PRDM2: variants seen among roughly 807,000 people sequenced by gnomAD.
The protein encoded by PRDM2 is PR/SET domain 2.
A neutral mutation model predicts 130.0 loss-of-function variants in PRDM2; 30 were observed. The observed-to-expected ratio is 0.23, with a 90% confidence interval of 0.17 to 0.31. The LOEUF (loss-of-function observed/expected upper bound fraction) is 0.31. PRDM2 is among the 10% of genes least tolerant of loss of function. The pLI, the probability that PRDM2 is intolerant of heterozygous loss-of-function variation, is 1.00. For synonymous variants in PRDM2, 871 were observed against 782.4 expected, an observed-to-expected ratio of 1.11 and a Z score of -1.89; for missense variants, 2,011 against 2,108.4, an observed-to-expected ratio of 0.95 and a Z score of 0.90.
chr1:13,777,588 G>A (rs759963063), intron 7 of PRDM2, among the ~76,000 whole-genome samples: 1 of 137,398 alleles, frequency 7.3e-6, no homozygotes, highest in Non-Finnish European at 1.6e-5. Flanking sequence ...TTGACTCAGC[G>A]CTTATGCATT....
At chr1:13,758,118 T>C (rs765675981) in intron 6 of PRDM2, among the ~76,000 whole-genome samples, 25 of 152,150 alleles carry the variant, frequency 1.6e-4, no homozygotes, top group Middle Eastern at 3.2e-3. Context: ...CTTGGAACTT[T>C]TACTGAGAGT....
intron 5 of PRDM2, among the ~76,000 whole-genome samples, chr1:13,748,788 G>A (rs1334437675): frequency 4.6e-5 from 7 of 152,192 alleles, no homozygotes; most frequent in Non-Finnish European, 1.0e-4. Flanking sequence ...CGAAGGGCGA[G>A]GCACGGACCT....
intron 6 of PRDM2, among the ~76,000 whole-genome samples, chr1:13,749,957 G>C (rs1451221360): frequency 6.6e-6 from 1 of 152,166 alleles, no homozygotes; most frequent in Non-Finnish European, 1.5e-5. Context: ...CGTCGGTCGC[G>C]GAGTCGGGGT....
chr1:13,790,668 A>C (rs1474064899), intron 8 of PRDM2, among the ~76,000 whole-genome samples: 3 of 152,230 alleles, frequency 2.0e-5, no homozygotes, highest in Admixed American at 2.0e-4. Flanking sequence ...CAGAACATCT[A>C]ATGTCAAAAT....
At chr1:13,742,734 A>G (rs74056429) in intron 5 of PRDM2, among the ~76,000 whole-genome samples, 2,735 of 152,316 alleles carry the variant, frequency 0.018, 89 homozygotes, top group African/African-American at 0.063. Context: ...CCCTTCTCCT[A>G]TGACACAGAG....
At chr1:13,776,423 T>C (rs116973365) in intron 7 of PRDM2, among the ~76,000 whole-genome samples, 2,225 of 152,282 alleles carry the variant, frequency 0.015, 38 homozygotes, top group South Asian at 0.083. Context: ...GACAGCAGCA[T>C]TGGGGACCAT....
At position 13,782,055 on chromosome 1, in the gene PRDM2, T is replaced by C; in HGVS notation, c.4260T>C (p.Asn1420=). The change falls in exon 8 of 10, where the codon AAT becomes AAC. Residue 1420 remains asparagine, a synonymous_variant. Coordinates refer to ENST00000311066, the MANE Select transcript of PRDM2 (RefSeq NM_001393986.1). ...TGTCGTCGAATAAGCTCAAATTAAA[T>C]GCATTGAAGAAAAAAAATCAGCTAG... ...SKMSSNKLKL[N]ALKKKNQLVQ... is the part of the protein sequence containing the mutation. The C allele has an allele frequency of 1.2e-6, 2 of 1,614,014 alleles. No homozygotes were observed. Among genetic ancestry groups the C allele is most frequent in the Non-Finnish European group, 1.7e-6 (2 of 1,180,008 alleles).
intron 2 of PRDM2, among the ~76,000 whole-genome samples, chr1:13,718,712 G>A (rs141673658): frequency 6.6e-6 from 1 of 152,016 alleles, no homozygotes; most frequent in African/African-American, 2.4e-5. Flanking sequence ...CCATGCCTGG[G>A]TGGCAGCGAG....
chr1:13,811,598 C>G (rs1388503231), intron 8 of PRDM2, among the ~76,000 whole-genome samples: 1 of 152,190 alleles, frequency 6.6e-6, no homozygotes, highest in Non-Finnish European at 1.5e-5. Flanking sequence ...TTTCCTGTAC[C>G]AGGTCCTGTG....
intron 8 of PRDM2, among the ~76,000 whole-genome samples, chr1:13,794,124 C>T (rs1208216073): frequency 6.6e-6 from 1 of 152,200 alleles, no homozygotes; most frequent in African/African-American, 2.4e-5. Context: ...TGGTGAGGTG[C>T]AGGCCAGCAC....
chr1:13,719,352 G>T (rs1022892372), intron 2 of PRDM2, among the ~76,000 whole-genome samples: 23 of 152,208 alleles, frequency 1.5e-4, no homozygotes, highest in Admixed American at 1.4e-3. Flanking sequence ...CGGAGAGCAA[G>T]CTATGGTCTG....
intron 8 of PRDM2, among the ~76,000 whole-genome samples, chr1:13,805,302 T>C (rs764047007): frequency 6.6e-6 from 1 of 152,206 alleles, no homozygotes; most frequent in Non-Finnish European, 1.5e-5. Flanking sequence ...AGCAAGTCCG[T>C]AATGGAGCTA....
At chr1:13,732,982 T>G in intron 4 of PRDM2, 100 bp downstream of exon 4, 4 of 861,322 alleles carry the variant, frequency 4.6e-6, no homozygotes, top group Non-Finnish European at 7.1e-6. Context: ...ATCATTTTAA[T>G]GTGTTCTTTA....
At chr1:13,770,490 A>G (rs1352100891) in intron 6 of PRDM2, among the ~76,000 whole-genome samples, 1 of 152,004 alleles carries the variant, frequency 6.6e-6, no homozygotes, top group Non-Finnish European at 1.5e-5. Context: ...CTGGGTTTGT[A>G]CAACACTTGG....
chr1:13,818,749 G>A (rs1198212119), intron 9 of PRDM2, among the ~76,000 whole-genome samples: 3 of 152,160 alleles, frequency 2.0e-5, no homozygotes, highest in East Asian at 3.9e-4. Context: ...TGGGGTTTGG[G>A]GAGGGGAGCA....
chr1:13,722,544 C>T (rs920968771), intron 2 of PRDM2, among the ~76,000 whole-genome samples: 6 of 151,944 alleles, frequency 3.9e-5, no homozygotes, highest in African/African-American at 1.5e-4. Context: ...CCGAACAAAC[C>T]CCATCTGAGA....
chr1:13,756,474 A>G (rs1315980664), intron 6 of PRDM2, among the ~76,000 whole-genome samples: 3 of 152,168 alleles, frequency 2.0e-5, no homozygotes, highest in Non-Finnish European at 4.4e-5. Context: ...TATTTTGACC[A>G]TCCATCTGGC....
At chr1:13,702,881 A>T (rs1170868333) in intron 1 of PRDM2, among the ~76,000 whole-genome samples, 1 of 152,168 alleles carries the variant, frequency 6.6e-6, no homozygotes, top group Non-Finnish European at 1.5e-5. Flanking sequence ...GAGGAGGTTG[A>T]TGGTTGGGGG....
chr1:13,795,207 G>A (rs1644904138), intron 8 of PRDM2, among the ~76,000 whole-genome samples: 1 of 152,214 alleles, frequency 6.6e-6, no homozygotes, highest in Admixed American at 6.5e-5. Context: ...TCGCTTTGCT[G>A]AAACAATAAT....
Sources: allele counts gnomAD v4.1 joint callset (sites outside exome capture counted in the v4.1 genomes callset), GRCh38; gene constraint gnomAD v4.1.1; transcripts MANE v1.5; gene names NCBI Gene and HGNC (gene_info 2026-07-23, HGNC 2026-07-21).